The following COL15A1 variants were observed in gnomAD, a reference collection of about 807,000 sequenced individuals.
The protein encoded by COL15A1 is collagen type XV alpha 1 chain.
Under a neutral mutation model 165.9 loss-of-function variants are expected in COL15A1, and 111 were observed. The observed-to-expected ratio is 0.67, with a 90% CI of 0.57 to 0.78. COL15A1 has a LOEUF of 0.78. Ranked by LOEUF, COL15A1 falls within the 30% of genes least tolerant of loss-of-function variation. The pLI is 0.00. For missense variants in COL15A1, 1,745 were observed against 1,789.7 expected (o/e 0.98, Z 0.45); for synonymous variants, 659 against 674.8 (o/e 0.98, Z 0.36).
At chr9:98,949,725 A>G (rs1837647775) in intron 2 of COL15A1, among the ~76,000 whole-genome samples, 2 of 152,226 alleles carry the variant, frequency 1.3e-5, no homozygotes, top group Admixed American at 1.3e-4. Context: ...TTTGAAGTGC[A>G]CAATTCAGTG....
In COL15A1 at chr9:99,055,408, GACTT is replaced by G. The variant is rs748764114; in HGVS notation, c.3192+39_3192+42del. Reference sequence around the variant, plus strand: ...ACCCCTCCAAGTCATCTACCCCAAAGACTTACAGCTTTCCCGGAAGCCCCCAATG... The same window carrying G: ...ACCCCTCCAAGTCATCTACCCCAAAGACAGCTTTCCCGGAAGCCCCCAATG... On this transcript the variant is annotated intron_variant, in intron 34 of 41. Coordinates refer to ENST00000375001, the MANE Select transcript of COL15A1 (RefSeq NM_001855.5). The G allele has an allele frequency of 1.1e-4, 146 of 1,311,232 alleles. No individual in the cohort carries two copies. In the East Asian group the frequency reaches 3.2e-3, roughly 29 times the overall value. 81.2% of individuals were successfully genotyped at this position (1,311,232 alleles called of 1,614,324 possible). A position where few individuals can be genotyped will look rare whatever the true frequency, so the allele number is the denominator to read the frequency against.
In COL15A1 at chr9:98,944,225, T is replaced by C. The variant is rs577588200; in HGVS notation, c.75T>C (p.Ala25=). ...MLLSVSTPLP[A]VTQTRGATET... ...TCTCGGTCTCCACGCCCCTCCCTGCTGTCACCCAGACCCGCGGTGCGACAG... is the reference window on the plus strand; with the variant it reads ...TCTCGGTCTCCACGCCCCTCCCTGCCGTCACCCAGACCCGCGGTGCGACAG... The change falls in exon 2 of 42, where the codon GCT becomes GCC. Residue 25 remains alanine (A), a synonymous_variant. Transcript: ENST00000375001. 346 of 1,614,006 alleles carry C rather than the reference T, an allele frequency of 2.1e-4. 4 individuals are homozygous for C. The South Asian group carries it at 2.8e-3, about 13-fold the overall frequency.
intron 2 of COL15A1, among the ~76,000 whole-genome samples, chr9:98,952,423 T>C (rs1435988769): frequency 6.6e-6 from 1 of 152,238 alleles, no homozygotes; most frequent in Non-Finnish European, 1.5e-5. Context: ...TCTCTACTCA[T>C]CTTATTCCTG....
At chr9:99,012,049 A>G (rs1462476234) in intron 9 of COL15A1, among the ~76,000 whole-genome samples, 1 of 152,206 alleles carries the variant, frequency 6.6e-6, no homozygotes, top group Non-Finnish European at 1.5e-5. Flanking sequence ...CTTGTGCCAA[A>G]TTTTGACACC....
chr9:98,991,197 G>A (rs374061513), intron 5 of COL15A1, among the ~76,000 whole-genome samples: 1 of 152,130 alleles, frequency 6.6e-6, no homozygotes, highest in Non-Finnish European at 1.5e-5. Flanking sequence ...TCCACAATGG[G>A]AAAAGGACCT....
intron 17 of COL15A1, 23 bp downstream of exon 17, chr9:99,034,607 A>AC: frequency 6.7e-7 from 1 of 1,482,638 alleles, no homozygotes; most frequent in East Asian, 2.6e-5. Flanking sequence ...AAAAAAAAAA[A>AC]AAAAAAAGAA....
chr9:98,953,750 C>T (rs1477845266), intron 2 of COL15A1, among the ~76,000 whole-genome samples: 1 of 152,130 alleles, frequency 6.6e-6, no homozygotes, highest in Admixed American at 6.5e-5. Context: ...CAGGCAACAC[C>T]CTGGCCTTAG....
chr9:99,056,325 A>G lies in COL15A1; in HGVS notation c.3258A>G (p.Pro1086=). ...CAGGTGCTCCTGGTCTGCCTGGGCC[A>G]CCTGGCTTTGGAAGACCTGGTGATC... ...GPPGAPGLPG[P]PGFGRPGDPG... is the part of the protein sequence containing the mutation. Residue 1086 remains proline (P), a synonymous_variant, in exon 35 of 42, where the codon CCA becomes CCG. Transcript: ENST00000375001. The G allele has an allele frequency of 2.5e-6, 4 of 1,614,032 alleles. No homozygotes were observed. The highest frequency in any genetic ancestry group is 3.4e-6 in the Non-Finnish European group (4 of 1,180,020).
chr9:99,007,917 G>T lies in COL15A1; in HGVS notation c.1353+2867G>T, dbSNP rs569149360. Reference sequence around the variant, plus strand: ...CAAACTGTAGAAAATAATAAAAATTGAAAAACATTAGGCAAGACCAAAATC... The same window carrying T: ...CAAACTGTAGAAAATAATAAAAATTTAAAAACATTAGGCAAGACCAAAATC... On this transcript the variant is annotated intron_variant, in intron 9 of 41. Coordinates refer to ENST00000375001, the MANE Select transcript of COL15A1 (RefSeq NM_001855.5). 3.2e-4 allele frequency among the ~76,000 whole-genome samples: 48 copies of T among 152,244 alleles called. 1 individual carries two copies. The South Asian group carries it at 9.5e-3, about 30-fold the overall frequency.
intron 21 of COL15A1, among the ~76,000 whole-genome samples, 183 bp from the exon 22 acceptor site, chr9:99,038,485 G>A (rs1700414407): frequency 6.6e-6 from 1 of 152,220 alleles, no homozygotes; most frequent in Admixed American, 6.5e-5. Context: ...AAAGTGCGAA[G>A]GCAGCTCAGA....
intron 4 of COL15A1, among the ~76,000 whole-genome samples, chr9:98,988,278 G>T (rs1328318634): frequency 1.3e-5 from 2 of 152,224 alleles, no homozygotes; most frequent in African/African-American, 2.4e-5. Flanking sequence ...ATGAGCCAGT[G>T]GTCCCAGCCT....
chr9:99,047,282 G>A lies in COL15A1; in HGVS notation c.2680-504G>A, dbSNP rs76185202. On this transcript the variant is annotated intron_variant, in intron 26 of 41. Transcript: ENST00000375001. ...CTGGATGACTGGGGTGTCAGACCAA[G>A]ACTCTGGTTCCTAGGGGCAGGTTAG... 8.2e-3 allele frequency among the ~76,000 whole-genome samples: 1,256 copies of A among 152,364 alleles called. 20 individuals are homozygous for A. Among genetic ancestry groups the A allele is most frequent in the African/African-American group, 0.029 (1,197 of 41,576 alleles).
chr9:98,971,463 C>T (rs578197799), intron 2 of COL15A1, among the ~76,000 whole-genome samples: 22 of 152,098 alleles, frequency 1.4e-4, no homozygotes, highest in Admixed American at 3.3e-4. Flanking sequence ...AAGGAAAGTC[C>T]GTACACCGAG....
At chr9:98,988,153 C>T (rs1033620083) in intron 4 of COL15A1, among the ~76,000 whole-genome samples, 2 of 152,084 alleles carry the variant, frequency 1.3e-5, no homozygotes, top group African/African-American at 4.8e-5. Context: ...GTGGCATCAA[C>T]GTCACAACAG....
intron 36 of COL15A1, among the ~76,000 whole-genome samples, chr9:99,061,084 A>G (rs568272357): frequency 6.6e-6 from 1 of 152,328 alleles, no homozygotes; most frequent in Non-Finnish European, 1.5e-5. Context: ...AAATGGACAA[A>G]TACTTCACAA....
intron 2 of COL15A1, among the ~76,000 whole-genome samples, chr9:98,978,006 G>A (rs1415462494): frequency 6.6e-6 from 1 of 152,200 alleles, no homozygotes; most frequent in Non-Finnish European, 1.5e-5. Flanking sequence ...GACCTGGAGT[G>A]GTCGGGGCTG....
intron 21 of COL15A1, among the ~76,000 whole-genome samples, chr9:99,038,140 A>G (rs1457858188): frequency 6.8e-6 from 1 of 147,770 alleles, no homozygotes; most frequent in Non-Finnish European, 1.5e-5. Flanking sequence ...TTAAAAATCA[A>G]ATATGTGTAA....
intron 10 of COL15A1, 108 bp downstream of exon 10, chr9:99,015,674 A>C: frequency 9.3e-7 from 1 of 1,077,536 alleles, no homozygotes; most frequent in Middle Eastern, 2.9e-4. Flanking sequence ...CTTGGTTATG[A>C]GCACATGTCT....
At chr9:99,050,249 T>C (rs1839565107) in intron 30 of COL15A1, among the ~76,000 whole-genome samples, 1 of 152,204 alleles carries the variant, frequency 6.6e-6, no homozygotes, top group African/African-American at 2.4e-5. Flanking sequence ...TGCCAACCCA[T>C]GATCTTTGCA....
Sources: allele counts gnomAD v4.1 joint callset (sites outside exome capture counted in the v4.1 genomes callset), GRCh38; gene constraint gnomAD v4.1.1; transcripts MANE v1.5; gene names NCBI Gene and HGNC (gene_info 2026-07-23, HGNC 2026-07-21).